The following ACTR3B variants were observed in gnomAD, a reference collection of about 807,000 sequenced individuals.
The protein encoded by ACTR3B is actin related protein 3B.
A neutral mutation model predicts 59.0 loss-of-function variants in ACTR3B; 8 were observed. The observed-to-expected ratio is 0.14, with a 90% CI of 0.08 to 0.24. ACTR3B has a LOEUF of 0.24. Among genes scored for constraint, ACTR3B ranks in the 10% least tolerant of loss-of-function variants. ACTR3B has a pLI of 1.00. For missense variants in ACTR3B, 245 were observed against 552.3 expected (o/e 0.44, Z 5.58); for synonymous variants, 148 against 197.9 (o/e 0.75, Z 2.12).
At chr7:152,767,619 A>G (rs904722663) in intron 1 of ACTR3B, among the ~76,000 whole-genome samples, 6 of 152,220 alleles carry the variant, frequency 3.9e-5, no homozygotes, top group African/African-American at 7.2e-5. Context: ...CTTCCCATCA[A>G]AGAACATGGT....
chr7:152,854,043 C>G lies in ACTR3B; in HGVS notation c.1162-415C>G, dbSNP rs1799061028. Among the ~76,000 whole-genome samples, 1 of 152,156 alleles carries G rather than the reference C, an allele frequency of 6.6e-6. No homozygotes were observed. The highest frequency in any genetic ancestry group is 1.5e-5 in the Non-Finnish European group (1 of 68,022). ...GTGCCCGGCCCGATATAAACTATAT[C>G]TTAATAATCACACAACACATTTATC... On this transcript the variant is annotated intron_variant, in intron 11 of 11. Coordinates refer to ENST00000256001, the MANE Select transcript of ACTR3B (RefSeq NM_020445.6). The surrounding 1 kb of genome is among the most constrained non-coding windows in gnomAD (Gnocchi z 4.9).
intron 6 of ACTR3B, among the ~76,000 whole-genome samples, chr7:152,818,525 A>G (rs1391060459): frequency 6.6e-6 from 1 of 152,010 alleles, no homozygotes; most frequent in Non-Finnish European, 1.5e-5. Flanking sequence ...ATCTCGGCAC[A>G]CTGCAACCTC....
chr7:152,761,158 A>G (rs1001743859), intron 1 of ACTR3B, among the ~76,000 whole-genome samples: 2 of 152,206 alleles, frequency 1.3e-5, no homozygotes, highest in Middle Eastern at 3.2e-3. Flanking sequence ...AATACACGTC[A>G]TATCAAGCTT....
At chr7:152,760,653 G>A (rs1008600184) in intron 1 of ACTR3B, among the ~76,000 whole-genome samples, 2 of 152,196 alleles carry the variant, frequency 1.3e-5, no homozygotes, top group African/African-American at 2.4e-5. Context: ...GGGAGAGCAT[G>A]TTTGTGGAAT....
chr7:152,764,546 G>A (rs970793541), intron 1 of ACTR3B, among the ~76,000 whole-genome samples: 14 of 151,794 alleles, frequency 9.2e-5, no homozygotes, highest in Non-Finnish European at 1.9e-4. Flanking sequence ...TACTCAGGAG[G>A]CTGAGGCAGG....
chr7:152,841,735 G>C (rs564990452), intron 9 of ACTR3B, among the ~76,000 whole-genome samples: 1 of 152,276 alleles, frequency 6.6e-6, no homozygotes, highest in Non-Finnish European at 1.5e-5. Context: ...GTTAGAGACT[G>C]TACACATTGG....
intron 1 of ACTR3B, among the ~76,000 whole-genome samples, chr7:152,767,581 G>C (rs2098114120): frequency 6.6e-6 from 1 of 152,168 alleles, no homozygotes; most frequent in Non-Finnish European, 1.5e-5. Context: ...TTAATTTAAT[G>C]AGCATCATTA....
rs192326986 is a variant in ACTR3B at position 152,799,125 on chromosome 7, A to G, written c.101-1406A>G. Among the ~76,000 whole-genome samples, 309 of 152,300 alleles carry G rather than the reference A, an allele frequency of 2.0e-3. 1 individual carries two copies. The highest frequency in any genetic ancestry group is 3.3e-3 in the Non-Finnish European group (225 of 68,016). On this transcript the variant is annotated intron_variant, in intron 2 of 11. Coordinates refer to ENST00000256001, the MANE Select transcript of ACTR3B (RefSeq NM_020445.6). ...TTGATTCAGAGAAATTTTATCTAGC[A>G]TTTACATTTGTATAGCTACAGAGTC...
intron 1 of ACTR3B, among the ~76,000 whole-genome samples, chr7:152,777,644 T>A (rs141481204): frequency 0.029 from 4,491 of 152,304 alleles, 99 homozygotes; most frequent in Middle Eastern, 0.099. Context: ...ATTCAAGGTA[T>A]ACAGTTATCA....
chr7:152,808,547 C>T (rs1160424377), intron 4 of ACTR3B, among the ~76,000 whole-genome samples: 2 of 152,118 alleles, frequency 1.3e-5, no homozygotes, highest in Admixed American at 6.5e-5. Context: ...TGTCTTCCTA[C>T]AGGTCTGTTT....
chr7:152,828,624 G>A (rs2116894497), intron 9 of ACTR3B, among the ~76,000 whole-genome samples: 1 of 152,306 alleles, frequency 6.6e-6, no homozygotes, highest in East Asian at 1.9e-4. Context: ...TGCAGAGCAC[G>A]CAGTCACCTT....
chr7:152,798,839 T>C (rs1401230094), intron 2 of ACTR3B, among the ~76,000 whole-genome samples: 1 of 152,206 alleles, frequency 6.6e-6, no homozygotes, highest in Non-Finnish European at 1.5e-5. Context: ...GGCTCTTTGT[T>C]CCACTGGTTT....
At chr7:152,779,971 TC>T (rs1265320288) in intron 1 of ACTR3B, among the ~76,000 whole-genome samples, 8 of 152,210 alleles carry the variant, frequency 5.3e-5, no homozygotes, top group Non-Finnish European at 1.5e-5. Flanking sequence ...AATAAAGTGA[TC>T]TGAAGAATTT....
At chr7:152,803,834 G>A (rs544858618) in intron 4 of ACTR3B, among the ~76,000 whole-genome samples, 30 of 152,344 alleles carry the variant, frequency 2.0e-4, no homozygotes, top group Admixed American at 2.0e-3. Context: ...TATTACATGT[G>A]TTGTGCTTTG....
chr7:152,795,079 G>C (rs1236859018), intron 2 of ACTR3B, among the ~76,000 whole-genome samples: 3 of 145,436 alleles, frequency 2.1e-5, no homozygotes, highest in African/African-American at 7.6e-5. Context: ...TTGTCACCCA[G>C]GCTGGAGTGC....
intron 2 of ACTR3B, among the ~76,000 whole-genome samples, chr7:152,785,560 T>G: frequency 7.6e-6 from 1 of 131,916 alleles, no homozygotes; most frequent in East Asian, 2.3e-4. Flanking sequence ...GGAGTCAAGG[T>G]TAGAAGATGT....
chr7:152,851,617 G>A (rs920332611), intron 9 of ACTR3B, among the ~76,000 whole-genome samples: 3 of 152,236 alleles, frequency 2.0e-5, no homozygotes, highest in Non-Finnish European at 4.4e-5. Flanking sequence ...GCCACCGAGC[G>A]AGTCTTGGCC....
chr7:152,821,643 T>A (rs1239268897), intron 7 of ACTR3B, among the ~76,000 whole-genome samples: 1 of 152,158 alleles, frequency 6.6e-6, no homozygotes, highest in Non-Finnish European at 1.5e-5. Flanking sequence ...GGGTTCCAAT[T>A]TGGACCCTGA....
intron 4 of ACTR3B, among the ~76,000 whole-genome samples, chr7:152,807,042 C>T (rs908850603): frequency 2.0e-5 from 3 of 152,190 alleles, no homozygotes; most frequent in African/African-American, 7.2e-5. Context: ...AGATGTGCTG[C>T]ATCTCCTGCT....
Sources: gnomAD v4.1 joint callset for allele counts (sites outside exome capture counted in the v4.1 genomes callset) on GRCh38, gnomAD v4.1.1 for gene constraint, Gnocchi (gnomAD v3.1) non-coding constraint, MANE v1.5 for transcripts, NCBI Gene and HGNC (gene_info 2026-07-23, HGNC 2026-07-21) for gene names.